TENM3: variants seen among roughly 807,000 people sequenced by gnomAD.
TENM3 encodes teneurin transmembrane protein 3.
A neutral mutation model predicts 255.1 loss-of-function variants in TENM3; 63 were observed. That is an observed-to-expected ratio of 0.25 (90% confidence interval 0.20 to 0.30). The LOEUF (loss-of-function observed/expected upper bound fraction) is 0.30. TENM3 is among the 10% of genes least tolerant of loss of function. The pLI, the probability that TENM3 is intolerant of heterozygous loss-of-function variation, is 1.00. For synonymous variants in TENM3, 1,306 were observed against 1,322.3 expected (o/e 0.99, Z 0.27); for missense variants, 2,929 against 3,461.1 (o/e 0.85, Z 3.86).
chr4:181,492,672 T>C, the TENM3 span, among the ~76,000 whole-genome samples: 1 of 152,212 alleles, frequency 6.6e-6, no homozygotes. Context: ...CTACAGATTT[T>C]TTTTATCCCA....
chr4:182,667,042 C>T (rs1042056328), intron 6 of TENM3, among the ~76,000 whole-genome samples: 7 of 152,258 alleles, frequency 4.6e-5, no homozygotes, highest in Admixed American at 4.6e-4. Flanking sequence ...TGGTCTGGAA[C>T]AAAATGTGCA....
chr4:182,615,039 A>ATACATATATAT (rs1200320301), intron 4 of TENM3, among the ~76,000 whole-genome samples: 6 of 70,218 alleles, frequency 8.5e-5, no homozygotes, highest in Middle Eastern at 7.5e-3. Context: ...AAAAAAAAAA[A>ATACATATATAT]AAAATACATA....
At chr4:181,901,296 G>A in the TENM3 span, among the ~76,000 whole-genome samples, 5 of 152,176 alleles carry the variant, frequency 3.3e-5, no homozygotes, top group South Asian at 2.1e-4. Context: ...CACTACTCAC[G>A]CCACCCTAGT....
At chr4:182,472,869 T>C (rs1011498501) in intron 3 of TENM3, among the ~76,000 whole-genome samples, 1 of 152,098 alleles carries the variant, frequency 6.6e-6, no homozygotes, top group Admixed American at 6.6e-5. Flanking sequence ...GTGCATGCCA[T>C]CATGCCCGGT....
At chr4:182,481,282 C>T (rs138591166) in intron 3 of TENM3, among the ~76,000 whole-genome samples, 5 of 152,162 alleles carry the variant, frequency 3.3e-5, no homozygotes, top group African/African-American at 9.6e-5. Flanking sequence ...AAAGTTAAAT[C>T]GCTTTTCTTT....
intron 3 of TENM3, among the ~76,000 whole-genome samples, chr4:182,415,622 A>G (rs1319366506): frequency 1.3e-5 from 2 of 152,196 alleles, no homozygotes; most frequent in Non-Finnish European, 2.9e-5. Context: ...ATTAGCTTAG[A>G]GGCATCATTT....
the TENM3 span, among the ~76,000 whole-genome samples, chr4:181,503,851 T>C: frequency 6.6e-5 from 10 of 152,212 alleles, no homozygotes; most frequent in Non-Finnish European, 1.0e-4. Flanking sequence ...CTGCATTCGC[T>C]GCACAGTTCC....
chr4:182,286,835 G>A (rs1187259169), intron 1 of TENM3, among the ~76,000 whole-genome samples: 2 of 152,028 alleles, frequency 1.3e-5, no homozygotes, highest in Non-Finnish European at 2.9e-5. Flanking sequence ...CTAGCGTGTG[G>A]TCCACTCTAC....
chr4:182,769,824 G>T (rs529241551), intron 22 of TENM3, among the ~76,000 whole-genome samples: 13 of 151,894 alleles, frequency 8.6e-5, no homozygotes, highest in African/African-American at 3.1e-4. Context: ...AGTCCTTTTG[G>T]CCGGGCGTGG....
chr4:181,577,074 A>G, the TENM3 span, among the ~76,000 whole-genome samples: 2 of 122,338 alleles, frequency 1.6e-5, no homozygotes, highest in African/African-American at 6.6e-5. Flanking sequence ...TTATATATAA[A>G]TAATATATAA....
the TENM3 span, among the ~76,000 whole-genome samples, chr4:182,114,400 C>G: frequency 6.6e-6 from 1 of 151,916 alleles, no homozygotes; most frequent in South Asian, 2.1e-4. Context: ...CTTCCTCCTC[C>G]TCCTTCTTCA....
the TENM3 span, among the ~76,000 whole-genome samples, chr4:182,028,327 TC>T: frequency 6.6e-6 from 1 of 152,180 alleles, no homozygotes; most frequent in Admixed American, 6.5e-5. Context: ...TCCTTTTTCA[TC>T]TCTGCTTTTA....
Position 182,793,258 on chromosome 4 carries a change from T to G in TENM3, c.6586T>G (p.Phe2196Val). 6.2e-7 allele frequency: 1 copy of G among 1,613,906 alleles called. No homozygotes were observed. The highest frequency in any genetic ancestry group is 8.5e-7 in the Non-Finnish European group (1 of 1,179,824). Reference sequence around the variant, plus strand: ...TCAATATCGGTTGGATGAAGATGGTTTCCTACGTCAAAGGGGCACGGAAAT... The same window carrying G: ...TCAATATCGGTTGGATGAAGATGGTGTCCTACGTCAAAGGGGCACGGAAAT... ...DVQYRLDEDG[F>V]LRQRGTEIFE... The change falls in exon 26 of 28, where the codon TTC (phenylalanine) becomes GTC (valine). Residue 2196 changes from phenylalanine to valine, a missense_variant. Physicochemically the swap from Phe to Val is conservative, Grantham distance 50. Around this residue, in one of 6 missense-constraint regions of TENM3, gnomAD observed 256 missense variants for 389.3 expected, o/e 0.66. Transcript: ENST00000511685. The surrounding 1 kb of genome is among the most constrained non-coding windows in gnomAD (Gnocchi z 5.7).
the TENM3 span, among the ~76,000 whole-genome samples, chr4:181,783,008 T>C: frequency 6.6e-6 from 1 of 152,184 alleles, no homozygotes; most frequent in Non-Finnish European, 1.5e-5. Flanking sequence ...ATTTCTGTTC[T>C]TTTACATTTG....
the TENM3 span, among the ~76,000 whole-genome samples, chr4:181,535,129 C>G: frequency 6.6e-6 from 1 of 152,162 alleles, no homozygotes; most frequent in African/African-American, 2.4e-5. Flanking sequence ...CCGGATGTCA[C>G]AGTCCCGGGA....
At chr4:181,844,432 G>T in the TENM3 span, among the ~76,000 whole-genome samples, 4 of 152,016 alleles carry the variant, frequency 2.6e-5, no homozygotes, top group Admixed American at 2.0e-4. Flanking sequence ...ACTTTGAGAG[G>T]CCGAGGCGGG....
rs891968935 is a variant in TENM3 at position 182,770,456 on chromosome 4, G to A, written c.4893-3016G>A. Reference sequence around the variant, plus strand: ...CCCCTGCACCCCGACACCTTCCTCCGCAGCCCTCCCAGCCCCACCCGGGCC... The same window carrying A: ...CCCCTGCACCCCGACACCTTCCTCCACAGCCCTCCCAGCCCCACCCGGGCC... On this transcript the variant is annotated intron_variant, in intron 22 of 27. Coordinates refer to ENST00000511685, the MANE Select transcript of TENM3 (RefSeq NM_001080477.4). Among the ~76,000 whole-genome samples the A allele has an allele frequency of 6.6e-5, 10 of 152,178 alleles. No homozygotes were observed. In the South Asian group the frequency reaches 8.3e-4, roughly 13 times the overall value.
At chr4:182,571,924 CAG>C (rs1164183096) in intron 3 of TENM3, among the ~76,000 whole-genome samples, 9 of 152,180 alleles carry the variant, frequency 5.9e-5, no homozygotes, top group East Asian at 5.8e-4. Flanking sequence ...TGTTTTGAGA[CAG>C]AGTCTCGCTC....
At chr4:182,735,519 A>G (rs1761097484) in intron 16 of TENM3, among the ~76,000 whole-genome samples, 1 of 152,200 alleles carries the variant, frequency 6.6e-6, no homozygotes, top group Non-Finnish European at 1.5e-5. Flanking sequence ...TGGTGGGGAA[A>G]GGGGAAACAT....
Sources: gnomAD v4.1 joint callset for allele counts (sites outside exome capture counted in the v4.1 genomes callset) on GRCh38, gnomAD v4.1.1 for gene constraint, gnomAD v4.1.1 regional missense constraint, Gnocchi (gnomAD v3.1) non-coding constraint, MANE v1.5 for transcripts, NCBI Gene and HGNC (gene_info 2026-07-23, HGNC 2026-07-21) for gene names.